FHIT: variants seen among roughly 807,000 people sequenced by gnomAD.
FHIT encodes the protein bis(5'-adenosyl)-triphosphatase.
A neutral mutation model predicts 17.9 loss-of-function variants in FHIT; 19 were observed. The observed-to-expected ratio is 1.06, with a 90% CI of 0.74 to 1.56. The LOEUF (loss-of-function observed/expected upper bound fraction) is 1.56. FHIT is among the 40% of genes most tolerant of loss of function. FHIT has a pLI of 0.00. For missense variants in FHIT, 248 were observed against 189.2 expected (o/e 1.31, Z -1.82); for synonymous variants, 81 against 69.7 (o/e 1.16, Z -0.81).
chr3:60,257,835 G>A (rs1416079433), intron 5 of FHIT, among the ~76,000 whole-genome samples: 2 of 152,148 alleles, frequency 1.3e-5, no homozygotes, highest in African/African-American at 4.8e-5. Flanking sequence ...GTAAGTGGGA[G>A]CTGAATTATG....
intron 1 of FHIT, among the ~76,000 whole-genome samples, chr3:61,228,603 A>C (rs953046611): frequency 2.0e-5 from 3 of 152,168 alleles, no homozygotes; most frequent in African/African-American, 7.2e-5. Context: ...TTAATTTTTA[A>C]GCCCAGCCAA....
chr3:60,701,580 A>G (rs1297145111), intron 4 of FHIT, among the ~76,000 whole-genome samples: 4 of 152,136 alleles, frequency 2.6e-5, no homozygotes, highest in Middle Eastern at 3.4e-3. Context: ...CCACAAGACC[A>G]GATGAGTCAG....
At chr3:61,171,292 A>G (rs1036578191) in intron 2 of FHIT, among the ~76,000 whole-genome samples, 4 of 151,986 alleles carry the variant, frequency 2.6e-5, no homozygotes, top group African/African-American at 9.7e-5. Context: ...CCACTTTTTT[A>G]TGGGGTTCAT....
At chr3:59,978,618 A>C (rs1708516057) in intron 7 of FHIT, among the ~76,000 whole-genome samples, 1 of 151,368 alleles carries the variant, frequency 6.6e-6, no homozygotes, top group South Asian at 2.1e-4. Flanking sequence ...GTTTAGAAAC[A>C]ACGGGGCTTT....
At chr3:59,928,781 G>C (rs561115615) in intron 7 of FHIT, among the ~76,000 whole-genome samples, 1 of 152,212 alleles carries the variant, frequency 6.6e-6, no homozygotes, top group African/African-American at 2.4e-5. Flanking sequence ...TGGATCACAA[G>C]GTCAGGAGTT....
chr3:60,316,191 C>G (rs1709157283), intron 5 of FHIT, among the ~76,000 whole-genome samples: 1 of 152,130 alleles, frequency 6.6e-6, no homozygotes, highest in South Asian at 2.1e-4. Flanking sequence ...AGTAAGCTAA[C>G]TATAAAAATA....
At chr3:60,015,666 G>A (rs1371111895) in intron 5 of FHIT, among the ~76,000 whole-genome samples, 1 of 152,142 alleles carries the variant, frequency 6.6e-6, no homozygotes, top group African/African-American at 2.4e-5. Flanking sequence ...CAGCAAGGGT[G>A]ACAACCATGC....
intron 5 of FHIT, among the ~76,000 whole-genome samples, chr3:60,103,204 T>A (rs151277222): frequency 1.3e-5 from 2 of 152,192 alleles, no homozygotes; most frequent in Non-Finnish European, 1.5e-5. Context: ...CTTGACAGAC[T>A]TGTTTTTACT....
intron 4 of FHIT, among the ~76,000 whole-genome samples, chr3:60,704,328 A>C (rs1047280791): frequency 4.6e-5 from 7 of 152,180 alleles, no homozygotes; most frequent in Non-Finnish European, 7.3e-5. Flanking sequence ...AGCTACAATA[A>C]AGCTTCTATT....
chr3:60,795,296 A>G (rs1203689706), intron 4 of FHIT, among the ~76,000 whole-genome samples: 1 of 152,242 alleles, frequency 6.6e-6, no homozygotes, highest in East Asian at 1.9e-4. Context: ...CTGAAAGCAT[A>G]AAGACCTGTG....
At chr3:60,183,936 T>C (rs1047480636) in intron 5 of FHIT, among the ~76,000 whole-genome samples, 1 of 152,208 alleles carries the variant, frequency 6.6e-6, no homozygotes, top group South Asian at 2.1e-4. Flanking sequence ...CCATATATGA[T>C]AGAGTTGTTA....
chr3:60,835,763 A>G (rs1475369586), intron 3 of FHIT, among the ~76,000 whole-genome samples: 6 of 152,090 alleles, frequency 3.9e-5, no homozygotes, highest in African/African-American at 1.4e-4. Context: ...GATGACAGGC[A>G]TACACCACCA....
intron 5 of FHIT, among the ~76,000 whole-genome samples, chr3:60,172,003 A>C (rs931009677): frequency 6.6e-6 from 1 of 152,182 alleles, no homozygotes; most frequent in Admixed American, 6.5e-5. Context: ...GTAGTGAACC[A>C]ATGCTGAGAA....
intron 5 of FHIT, among the ~76,000 whole-genome samples, chr3:60,211,873 G>A (rs1034262276): frequency 2.2e-4 from 34 of 152,220 alleles, no homozygotes; most frequent in African/African-American, 8.2e-4. Context: ...TTATTGTCAT[G>A]ACATCTTTTT....
chr3:59,780,202 C>T (rs189822023), intron 8 of FHIT, among the ~76,000 whole-genome samples: 1 of 152,282 alleles, frequency 6.6e-6, no homozygotes, highest in African/African-American at 2.4e-5. Flanking sequence ...CCATCACTGG[C>T]ATTGAAATGC....
chr3:60,753,570 C>T (rs1186371730), intron 4 of FHIT, among the ~76,000 whole-genome samples: 1 of 152,158 alleles, frequency 6.6e-6, no homozygotes, highest in Admixed American at 6.5e-5. Context: ...GCCAGACATG[C>T]CATTCTTCTC....
At chr3:61,090,530 T>C (rs2035448420) in intron 2 of FHIT, among the ~76,000 whole-genome samples, 1 of 152,200 alleles carries the variant, frequency 6.6e-6, no homozygotes, top group Non-Finnish European at 1.5e-5. Flanking sequence ...GAGATGTTTA[T>C]CCAAATTCAC....
intron 5 of FHIT, among the ~76,000 whole-genome samples, chr3:60,302,666 T>C (rs1049528788): frequency 3.9e-5 from 6 of 152,160 alleles, no homozygotes; most frequent in African/African-American, 1.4e-4. Context: ...TCTTTCGTAT[T>C]CCCCAGTCTT....
At chr3:60,221,589 C>T (rs1005311333) in intron 5 of FHIT, among the ~76,000 whole-genome samples, 3 of 152,200 alleles carry the variant, frequency 2.0e-5, no homozygotes, top group African/African-American at 4.8e-5. Flanking sequence ...CTCCTTCATG[C>T]GGTGGCTGCC....
Sources: allele counts gnomAD v4.1 joint callset (sites outside exome capture counted in the v4.1 genomes callset), GRCh38; gene constraint gnomAD v4.1.1; transcripts MANE v1.5; gene names NCBI Gene and HGNC (gene_info 2026-07-23, HGNC 2026-07-21).